Variants in TACR3 observed in about 807,000 individuals in gnomAD.
The protein encoded by TACR3 is neuromedin-K receptor.
TACR3 carries 34 observed loss-of-function variants against 35.0 expected under a neutral mutation model. The ratio of observed to expected loss-of-function variants is 0.97; its 90% CI spans 0.74 to 1.30. TACR3 has a LOEUF of 1.30. TACR3 is among the 50% of genes most tolerant of loss of function. The pLI, the probability that TACR3 is intolerant of heterozygous loss-of-function variation, is 0.00. For missense variants in TACR3, 558 were observed against 591.7 expected (o/e 0.94, Z 0.59); for synonymous variants, 233 against 221.1 (o/e 1.05, Z -0.48).
intron 3 of TACR3, among the ~76,000 whole-genome samples, chr4:103,646,503 T>A (rs1363710364): frequency 6.6e-6 from 1 of 151,978 alleles, no homozygotes; most frequent in East Asian, 1.9e-4. Flanking sequence ...CATACAGCTG[T>A]TGATTAGTAT....
intron 3 of TACR3, among the ~76,000 whole-genome samples, chr4:103,614,726 G>A (rs1167985683): frequency 7.7e-6 from 1 of 129,146 alleles, no homozygotes; most frequent in Non-Finnish European, 1.6e-5. Flanking sequence ...AAGACTAAAT[G>A]AAAATGTGAA....
At chr4:103,638,884 A>C (rs1455186638) in intron 3 of TACR3, among the ~76,000 whole-genome samples, 3 of 152,172 alleles carry the variant, frequency 2.0e-5, no homozygotes, top group Non-Finnish European at 2.9e-5. Flanking sequence ...TCAAAACCAC[A>C]ATGAGATACC....
rs569281710 is a variant in TACR3, at chr4:103,649,871, T to C, written c.888+6323A>G. Among the ~76,000 whole-genome samples, 8 of 152,216 alleles carry C rather than the reference T, an allele frequency of 5.3e-5. No homozygotes were observed. In the East Asian group the frequency reaches 1.5e-3, roughly 29 times the overall value. On this transcript the variant is annotated intron_variant, in intron 3 of 4. Transcript: ENST00000304883. Reference sequence around the variant, plus strand: ...TTATTTAGTTCATTGCATGAGGTCATGTTTTCCTGGGTGATCCTGAAGGTC... The same window carrying C: ...TTATTTAGTTCATTGCATGAGGTCACGTTTTCCTGGGTGATCCTGAAGGTC...
At chr4:103,675,572 G>C (rs1174678520) in intron 1 of TACR3, among the ~76,000 whole-genome samples, 1 of 152,112 alleles carries the variant, frequency 6.6e-6, no homozygotes, top group African/African-American at 2.4e-5. Context: ...CCAGGGAGTG[G>C]GTACCCCACT....
At chr4:103,592,527 T>C (rs891210922) in intron 3 of TACR3, among the ~76,000 whole-genome samples, 3 of 152,198 alleles carry the variant, frequency 2.0e-5, no homozygotes, top group African/African-American at 7.2e-5. Context: ...ATCACAGTCC[T>C]TGATATATAG....
At chr4:103,608,315 G>A (rs914922134) in intron 3 of TACR3, among the ~76,000 whole-genome samples, 4 of 151,992 alleles carry the variant, frequency 2.6e-5, no homozygotes, top group African/African-American at 4.8e-5. Context: ...AATAGAAAAC[G>A]AGATACCACT....
chr4:103,599,010 T>G (rs1454453028), intron 3 of TACR3, among the ~76,000 whole-genome samples: 1 of 152,198 alleles, frequency 6.6e-6, no homozygotes, highest in African/African-American at 2.4e-5. Flanking sequence ...GGTAGCTTGA[T>G]GGGGATGGCA....
chr4:103,631,542 C>A (rs1484326181), intron 3 of TACR3, among the ~76,000 whole-genome samples: 1 of 152,152 alleles, frequency 6.6e-6, no homozygotes, highest in Admixed American at 6.6e-5. Flanking sequence ...ATAGGCCTTA[C>A]TTTCAGTCCT....
chr4:103,604,467 G>C (rs1439818126), intron 3 of TACR3, among the ~76,000 whole-genome samples: 2 of 152,042 alleles, frequency 1.3e-5, no homozygotes, highest in South Asian at 2.1e-4. Context: ...CACCATTCAG[G>C]ATGTAGACAT....
At chr4:103,599,086 A>G (rs1307465931) in intron 3 of TACR3, among the ~76,000 whole-genome samples, 4 of 152,104 alleles carry the variant, frequency 2.6e-5, no homozygotes, top group South Asian at 2.1e-4. Flanking sequence ...CTACCCATGA[A>G]CATGGAATGT....
At chr4:103,672,771 C>T (rs780870394) in intron 1 of TACR3, among the ~76,000 whole-genome samples, 1 of 152,160 alleles carries the variant, frequency 6.6e-6, no homozygotes, top group Non-Finnish European at 1.5e-5. Flanking sequence ...TGAAGTCAGG[C>T]ATTGACTTCT....
At chr4:103,683,629 C>T (rs1363354748) in intron 1 of TACR3, among the ~76,000 whole-genome samples, 1 of 151,774 alleles carries the variant, frequency 6.6e-6, no homozygotes, top group African/African-American at 2.4e-5. Flanking sequence ...TTAATATGTG[C>T]AAACTACAAA....
Position 103,589,248 on chromosome 4 carries a change from C to T in TACR3, c.*434G>A, listed in dbSNP as rs754868614. 1 of 155,072 alleles carries T rather than the reference C, an allele frequency of 6.4e-6. No individual in the cohort carries two copies. The highest frequency in any genetic ancestry group is 1.4e-5 in the Non-Finnish European group (1 of 69,884). 9.6% of individuals were successfully genotyped at this position (155,072 alleles called of 1,614,324 possible). A position where few individuals can be genotyped will look rare whatever the true frequency, so the allele number is the denominator to read the frequency against. On this transcript the variant is annotated 3_prime_UTR_variant, in exon 5 of 5. Coordinates refer to ENST00000304883, the MANE Select transcript of TACR3 (RefSeq NM_001059.3). Reference sequence around the variant, plus strand: ...TTTTTTCCCATTTTATATCTCTAGGCAAAAAAGCCTATTTTATACAGATTT... The same window carrying T: ...TTTTTTCCCATTTTATATCTCTAGGTAAAAAAGCCTATTTTATACAGATTT...
At chr4:103,597,605 TC>T (rs1302928465) in intron 3 of TACR3, among the ~76,000 whole-genome samples, 1 of 149,542 alleles carries the variant, frequency 6.7e-6, no homozygotes. Context: ...CCCTCCCCCG[TC>T]CCCCCACCCC....
At chr4:103,710,855 T>TATA (rs1722934429) in intron 1 of TACR3, among the ~76,000 whole-genome samples, 1 of 152,126 alleles carries the variant, frequency 6.6e-6, no homozygotes. Context: ...CAGAGAACAC[T>TATA]ATAAACACTT....
At chr4:103,710,738 C>A (rs928098844) in intron 1 of TACR3, among the ~76,000 whole-genome samples, 3 of 152,056 alleles carry the variant, frequency 2.0e-5, no homozygotes, top group African/African-American at 7.2e-5. Flanking sequence ...AATTGATAGA[C>A]TGCTAGCAAG....
At chr4:103,703,182 TAA>T (rs535618592) in intron 1 of TACR3, among the ~76,000 whole-genome samples, 25 of 152,352 alleles carry the variant, frequency 1.6e-4, no homozygotes, top group Non-Finnish European at 3.2e-4. Context: ...CATTATATTT[TAA>T]AAGTGTTCAT....
chr4:103,697,659 C>T (rs769448873), intron 1 of TACR3, among the ~76,000 whole-genome samples: 8 of 151,908 alleles, frequency 5.3e-5, no homozygotes, highest in East Asian at 1.9e-4. Context: ...CTCCTGACCT[C>T]GTGATCCGCC....
rs572136533 is a variant in TACR3 at position 103,586,915 on chromosome 4, C to A, written c.*2767G>T. 8 of 151,966 alleles carry A rather than the reference C, an allele frequency of 5.3e-5. No homozygotes were observed. The highest frequency in any genetic ancestry group is 7.4e-5 in the Non-Finnish European group (5 of 68,000). The allele number at this position is 151,966 out of a possible 1,614,324, so 9.4% of individuals were successfully genotyped here. The stretch of plus-strand genomic sequence containing the variant: ...TATTTTGTTTAAAAGAGAATACTTA[C>A]AATGATGTAAGCCTTTTTGATTCTT... On this transcript the variant is annotated 3_prime_UTR_variant, in exon 5 of 5. Coordinates refer to ENST00000304883, the MANE Select transcript of TACR3 (RefSeq NM_001059.3).
Sources: allele counts gnomAD v4.1 joint callset (sites outside exome capture counted in the v4.1 genomes callset), GRCh38; gene constraint gnomAD v4.1.1; transcripts MANE v1.5; gene names NCBI Gene and HGNC (gene_info 2026-07-23, HGNC 2026-07-21).